CD99: variants seen among roughly 807,000 people sequenced by gnomAD.
CD99 encodes CD99 molecule (Xg blood group).
A neutral mutation model predicts 28.4 loss-of-function variants in CD99; 19 were observed. That is an observed-to-expected ratio of 0.67 (90% CI 0.47 to 0.98). The LOEUF (loss-of-function observed/expected upper bound fraction) is 0.98. Ranked by LOEUF, CD99 falls within the 50% of genes least tolerant of loss-of-function variation. CD99 has a pLI of 0.00. For synonymous variants in CD99, 103 were observed against 92.1 expected (o/e 1.12, Z -0.67); for missense variants, 283 against 248.8 (o/e 1.14, Z -0.92).
intron 2 of CD99, among the ~76,000 whole-genome samples, chrX:2,717,123 G>C (rs2048761672): frequency 6.6e-6 from 1 of 152,142 alleles, no homozygotes; most frequent in Non-Finnish European, 1.5e-5. Flanking sequence ...GAGGTGGGTG[G>C]ATCACCTGAG....
chrX:2,702,014 T>G (rs1358373385), intron 1 of CD99, among the ~76,000 whole-genome samples: 1 of 152,224 alleles, frequency 6.6e-6, no homozygotes, highest in Admixed American at 6.5e-5. Context: ...TTAATTAGCC[T>G]GGGCATCAGG....
chrX:2,722,489 T>C, intron 5 of CD99, 138 bp from the exon 6 acceptor site: 1 of 770,944 alleles, frequency 1.3e-6, no homozygotes, highest in South Asian at 1.5e-5. Context: ...TCCAGCTAAT[T>C]TTTATATTCT....
At chrX:2,738,100 G>A (rs746281852) in intron 8 of CD99, 100 bp from the exon 9 acceptor site, 22 of 1,035,162 alleles carry the variant, frequency 2.1e-5, no homozygotes, top group Non-Finnish European at 3.4e-5. Context: ...CAAGCAATAG[G>A]AGCGTCGACC....
chrX:2,698,896 G>A (rs954447503), intron 1 of CD99, among the ~76,000 whole-genome samples: 2 of 151,764 alleles, frequency 1.3e-5, no homozygotes, highest in Non-Finnish European at 2.9e-5. Context: ...GGTTACCTGG[G>A]TAGTCTGGTT....
intron 8 of CD99, 99 bp downstream of exon 8, chrX:2,726,472 C>A: frequency 1.3e-6 from 1 of 794,480 alleles, no homozygotes; most frequent in Non-Finnish European, 2.2e-6. Context: ...TGGCACGAAA[C>A]AGGTGCACGA....
intron 1 of CD99, among the ~76,000 whole-genome samples, chrX:2,700,452 C>G (rs1374065595): frequency 6.6e-6 from 1 of 151,808 alleles, no homozygotes; most frequent in Non-Finnish European, 1.5e-5. Context: ...ATTTACCCAT[C>G]CATCCGTTCG....
At chrX:2,708,431 G>A (rs1431813728) in intron 1 of CD99, among the ~76,000 whole-genome samples, 1 of 152,108 alleles carries the variant, frequency 6.6e-6, no homozygotes, top group Non-Finnish European at 1.5e-5. Flanking sequence ...TGGGAGAAAG[G>A]AGACCTTGGA....
chrX:2,726,294 G>A lies in CD99; in HGVS notation c.396G>A (p.Gly132=). Residue 132 remains glycine, a synonymous_variant, in exon 8 of 10, where the codon GGG becomes GGA. Coordinates refer to ENST00000381192, the MANE Select transcript of CD99 (RefSeq NM_002414.5). ...DAPGVIPGIV[G]AVVVAVAGAI... is the part of the protein sequence containing the mutation. ...CAGGCGTGATCCCCGGGATTGTGGG[G>A]GCTGTCGTGGTCGCCGTGGCTGGAG... The A allele has an allele frequency of 6.2e-7, 1 of 1,611,950 alleles. No homozygotes were observed. The highest frequency in any genetic ancestry group is 8.5e-7 in the Non-Finnish European group (1 of 1,179,550).
intron 2 of CD99, among the ~76,000 whole-genome samples, chrX:2,716,162 GCA>G (rs1398923022): frequency 6.6e-6 from 1 of 151,956 alleles, no homozygotes; most frequent in African/African-American, 2.4e-5. Context: ...GGGATTACAG[GCA>G]TGCACCACCA....
rs1456213339 is a variant in CD99, at chrX:2,720,920, C to A, written c.262+496C>A. Among the ~76,000 whole-genome samples the A allele has an allele frequency of 2.0e-5, 3 of 152,178 alleles. No individual in the cohort carries two copies. The East Asian group carries it at 5.8e-4, about 29-fold the overall frequency. ...GGATGACAGGTGTGAGCCACTGTGC[C>A]TGGACTAGTTTGCTACTTTTGTTTC... On this transcript the variant is annotated intron_variant, in intron 5 of 9. Transcript: ENST00000381192.
At chrX:2,719,433 G>T in intron 3 of CD99, 2 of 565,154 alleles carry the variant, frequency 3.5e-6, no homozygotes, top group South Asian at 2.6e-5. Flanking sequence ...TTCTCTCCTA[G>T]CTTTTTATCT....
chrX:2,735,113 G>A (rs773637251), intron 8 of CD99, among the ~76,000 whole-genome samples: 23 of 152,286 alleles, frequency 1.5e-4, no homozygotes, highest in African/African-American at 4.3e-4. Flanking sequence ...AATGTCCTGC[G>A]TGTTTCCCAG....
At chrX:2,739,423 A>AT (rs1453756796) in intron 9 of CD99, among the ~76,000 whole-genome samples, 4 of 151,968 alleles carry the variant, frequency 2.6e-5, no homozygotes, top group Non-Finnish European at 4.4e-5. Context: ...ATTGAGAGGG[A>AT]TTTTTAATGA....
intron 8 of CD99, among the ~76,000 whole-genome samples, chrX:2,729,763 G>A (rs1188195222): frequency 2.0e-5 from 3 of 152,132 alleles, no homozygotes; most frequent in Admixed American, 2.0e-4. Context: ...GGTCTTGGGT[G>A]GAAGCATTAT....
intron 7 of CD99, among the ~76,000 whole-genome samples, chrX:2,724,822 C>T (rs373903618): frequency 1.5e-4 from 22 of 150,918 alleles, no homozygotes; most frequent in Non-Finnish European, 2.8e-4. Context: ...TGCTTGAACC[C>T]GGGAAGCAGA....
chrX:2,738,165 C>T, intron 8 of CD99, 35 bp from the exon 9 acceptor site: 1 of 1,598,906 alleles, frequency 6.3e-7, no homozygotes, highest in Non-Finnish European at 8.6e-7. Flanking sequence ...ATCTGTTGCA[C>T]TGAGCCTCTC....
intron 3 of CD99, among the ~76,000 whole-genome samples, chrX:2,718,369 CTTTTT>C (rs750689789): frequency 1.5e-5 from 2 of 136,924 alleles, no homozygotes; most frequent in African/African-American, 2.7e-5. Context: ...TTCTTTCTTT[CTTTTT>C]TTTTTTTTTT....
At chrX:2,698,597 GT>G (rs2047687128) in intron 1 of CD99, among the ~76,000 whole-genome samples, 1 of 151,982 alleles carries the variant, frequency 6.6e-6, no homozygotes, top group Non-Finnish European at 1.5e-5. Flanking sequence ...CTTCTGTGTA[GT>G]TGGGACTATG....
At position 2,725,244 on chromosome X, in the gene CD99, A is replaced by G. The variant is rs147365014; in HGVS notation, c.362-1016A>G. Reference sequence around the variant, plus strand: ...CAAGACCCCAATTCTATAAAACCACAGTAATTAACCAGGCATGGTGGTGCA... The same window carrying G: ...CAAGACCCCAATTCTATAAAACCACGGTAATTAACCAGGCATGGTGGTGCA... On this transcript the variant is annotated intron_variant, in intron 7 of 9. Transcript: ENST00000381192. Among the ~76,000 whole-genome samples the G allele has an allele frequency of 3.5e-3, 528 of 152,026 alleles. 5 individuals are homozygous for G. Among genetic ancestry groups the G allele is most frequent in the African/African-American group, 0.012 (494 of 41,450 alleles).
Sources: gnomAD v4.1 joint callset for allele counts (sites outside exome capture counted in the v4.1 genomes callset) on GRCh38, gnomAD v4.1.1 for gene constraint, MANE v1.5 for transcripts, NCBI Gene and HGNC (gene_info 2026-07-23, HGNC 2026-07-21) for gene names.